Variants in ADCY8 observed in about 807,000 individuals in gnomAD.
The protein encoded by ADCY8 is adenylate cyclase type 8.
ADCY8 carries 51 observed loss-of-function variants against 119.7 expected under a neutral mutation model. The ratio of observed to expected loss-of-function variants is 0.43; its 90% CI spans 0.34 to 0.54. The LOEUF (loss-of-function observed/expected upper bound fraction) is 0.54. ADCY8 is among the 20% of genes least tolerant of loss of function. The pLI is 0.03. For missense variants in ADCY8, 1,383 were observed against 1,598.8 expected (o/e 0.87, Z 2.30); for synonymous variants, 665 against 651.0 (o/e 1.02, Z -0.33).
At chr8:130,893,884 G>GTGTGCATGTTTGTGTGTGTGGTTGTGGT (rs1227143244) in intron 7 of ADCY8, among the ~76,000 whole-genome samples, 1 of 148,064 alleles carries the variant, frequency 6.8e-6, no homozygotes, top group African/African-American at 2.6e-5. Flanking sequence ...GTGTTTGCGG[G>GTGTGCATGTTTGTGTGTGTGGTTGTGGT]TGTGCATGTT....
intron 5 of ADCY8, among the ~76,000 whole-genome samples, chr8:130,930,829 A>G (rs1820609658): frequency 1.3e-5 from 2 of 152,304 alleles, no homozygotes; most frequent in South Asian, 4.1e-4. Flanking sequence ...CATTACAAAG[A>G]TATAAGTAAT....
chr8:130,904,260 C>CT (rs1383339068), intron 6 of ADCY8, among the ~76,000 whole-genome samples: 1 of 152,248 alleles, frequency 6.6e-6, no homozygotes, highest in African/African-American at 2.4e-5. Flanking sequence ...CCAAGAGACA[C>CT]TGCTGCCTCT....
chr8:130,937,006 G>T, intron 5 of ADCY8, 67 bp downstream of exon 5: 1 of 1,515,500 alleles, frequency 6.6e-7, no homozygotes, highest in Non-Finnish European at 8.9e-7. Context: ...ACCACAAAGG[G>T]TAGGTGAAGT....
intron 12 of ADCY8, among the ~76,000 whole-genome samples, chr8:130,832,658 GA>G (rs1240256129): frequency 5.3e-5 from 8 of 152,058 alleles, no homozygotes; most frequent in Admixed American, 2.0e-4. Context: ...GGAAAAAGCT[GA>G]AAAAAGCACT....
intron 1 of ADCY8, among the ~76,000 whole-genome samples, chr8:131,025,380 C>T (rs1823790553): frequency 6.6e-6 from 1 of 152,032 alleles, no homozygotes; most frequent in Non-Finnish European, 1.5e-5. Context: ...TCGTATTCAT[C>T]ATATGACCAA....
rs770461832 is a variant in ADCY8, at chr8:130,884,684, C to T, written c.1989G>A (p.Gly663=). The change falls in exon 8 of 18, where the codon GGG becomes GGA. Residue 663 remains glycine, a synonymous_variant. Coordinates refer to ENST00000286355, the MANE Select transcript of ADCY8 (RefSeq NM_001115.3). ...CTATTCTCTTGTTAATTTCCTCAGGCCCAGACTGGACATGCAAAGCTTGTG... is the reference window on the plus strand; with the variant it reads ...CTATTCTCTTGTTAATTTCCTCAGGTCCAGACTGGACATGCAAAGCTTGTG... ...HLAQALHVQS[G]PEEINKRIEH... is the part of the protein sequence containing the mutation. The T allele has an allele frequency of 1.9e-6, 3 of 1,613,900 alleles. No homozygotes were observed. Among genetic ancestry groups the T allele is most frequent in the Admixed American group, 3.3e-5 (2 of 59,996 alleles).
chr8:130,819,052 A>G (rs1219576039), intron 13 of ADCY8, among the ~76,000 whole-genome samples: 2 of 152,210 alleles, frequency 1.3e-5, no homozygotes. Flanking sequence ...TATTACAATT[A>G]TATTCTCATA....
Position 130,867,948 on chromosome 8 carries a change from T to G in ADCY8, c.2110-2A>C, listed in dbSNP as rs1818186241. 2 of 1,599,506 alleles carry G rather than the reference T, an allele frequency of 1.3e-6. No homozygotes were observed. Among genetic ancestry groups the G allele is most frequent in the Non-Finnish European group, 1.7e-6 (2 of 1,169,906 alleles). ...CACTTCATCCCTCATTTGAGAATACTGTAATTAAAAAAAGAGAGAATGAGT... is the reference window on the plus strand; with the variant it reads ...CACTTCATCCCTCATTTGAGAATACGGTAATTAAAAAAAGAGAGAATGAGT... On this transcript the variant is annotated splice_acceptor_variant, in intron 8 of 17. Transcript: ENST00000286355. LOFTEE classifies it high-confidence loss of function.
intron 7 of ADCY8, among the ~76,000 whole-genome samples, chr8:130,897,091 A>G (rs1819419492): frequency 6.6e-6 from 1 of 152,100 alleles, no homozygotes; most frequent in African/African-American, 2.4e-5. Flanking sequence ...CTTAGTTTCT[A>G]TTCAGGCCCT....
rs1280791617 is a variant in ADCY8, at chr8:130,821,397, A to G, written c.2699T>C (p.Val900Ala). The G allele has an allele frequency of 1.9e-6, 3 of 1,613,232 alleles. No homozygotes were observed. In the Admixed American group the frequency reaches 5.0e-5, roughly 27 times the overall value. ...GAACATGGCCATCAGTAGCAGTGATACCTCCTTGGTCCCCAGGAAATCTCT... is the reference window on the plus strand; with the variant it reads ...GAACATGGCCATCAGTAGCAGTGATGCCTCCTTGGTCCCCAGGAAATCTCT... ...SGEDFLGTKEVSLLLMAMFLL... is the reference protein window; with the variant it reads ...SGEDFLGTKEASLLLMAMFLL... The change falls in exon 13 of 18, where the codon GTA becomes GCA. Residue 900 changes from valine to alanine, a missense_variant. Val to Ala is a moderately conservative substitution (Grantham distance 64). Around this residue, in one of 2 missense-constraint regions of ADCY8, gnomAD observed 928 missense variants for 1,163.5 expected, o/e 0.80. Transcript: ENST00000286355.
At chr8:130,986,425 A>T (rs1822402872) in intron 2 of ADCY8, among the ~76,000 whole-genome samples, 1 of 152,234 alleles carries the variant, frequency 6.6e-6, no homozygotes, top group Non-Finnish European at 1.5e-5. Flanking sequence ...GACTCCATTG[A>T]ATTATGTAGA....
At chr8:130,825,122 T>C (rs778603751) in intron 12 of ADCY8, among the ~76,000 whole-genome samples, 3 of 152,256 alleles carry the variant, frequency 2.0e-5, no homozygotes, top group Non-Finnish European at 4.4e-5. Context: ...AATACATGTG[T>C]ACTATGTGTA....
chr8:130,795,644 A>G (rs1586420777), intron 15 of ADCY8, among the ~76,000 whole-genome samples: 1 of 152,324 alleles, frequency 6.6e-6, no homozygotes, highest in East Asian at 1.9e-4. Flanking sequence ...CAGACGGAGC[A>G]GAAGATGGGT....
In ADCY8 at chr8:130,798,084, T is replaced by G. The variant is rs141512985; in HGVS notation, c.3060+2342A>C. ...CTAGCCTAAGGGTTTGTATGAGAGATAAATAACTATTAAATGATATATATT... is the reference window on the plus strand; with the variant it reads ...CTAGCCTAAGGGTTTGTATGAGAGAGAAATAACTATTAAATGATATATATT... On this transcript the variant is annotated intron_variant, in intron 15 of 17. Coordinates refer to ENST00000286355, the MANE Select transcript of ADCY8 (RefSeq NM_001115.3). Among the ~76,000 whole-genome samples, 402 of 152,306 alleles carry G rather than the reference T, an allele frequency of 2.6e-3. 1 individual carries two copies. Among genetic ancestry groups the G allele is most frequent in the African/African-American group, 9.1e-3 (377 of 41,546 alleles).
chr8:130,863,971 C>G (rs986484043), intron 9 of ADCY8, among the ~76,000 whole-genome samples: 1 of 152,080 alleles, frequency 6.6e-6, no homozygotes, highest in Non-Finnish European at 1.5e-5. Context: ...TATTTTCCTG[C>G]TGTTTGAAGA....
chr8:130,819,761 C>A (rs1300354085), intron 13 of ADCY8, among the ~76,000 whole-genome samples: 1 of 149,440 alleles, frequency 6.7e-6, no homozygotes, highest in Non-Finnish European at 1.5e-5. Context: ...CCAGTCCTCA[C>A]AGATAGCTGG....
chr8:130,975,116 C>G (rs961812915), intron 2 of ADCY8, among the ~76,000 whole-genome samples: 1 of 152,196 alleles, frequency 6.6e-6, no homozygotes, highest in Admixed American at 6.5e-5. Flanking sequence ...CAGTGCTGTC[C>G]TCTTGTTTAA....
At chr8:130,808,912 T>C (rs1816071149) in intron 14 of ADCY8, among the ~76,000 whole-genome samples, 1 of 152,110 alleles carries the variant, frequency 6.6e-6, no homozygotes, top group African/African-American at 2.4e-5. Context: ...CATAAAGCCA[T>C]GATGAGCCAG....
chr8:130,988,530 T>C (rs1822474192), intron 2 of ADCY8, among the ~76,000 whole-genome samples: 1 of 152,202 alleles, frequency 6.6e-6, no homozygotes, highest in Non-Finnish European at 1.5e-5. Flanking sequence ...AAGAGAAAGA[T>C]ATTGGCCCAT....
Sources: allele counts gnomAD v4.1 joint callset (sites outside exome capture counted in the v4.1 genomes callset), GRCh38; gene constraint gnomAD v4.1.1; regional missense constraint gnomAD v4.1.1; transcripts MANE v1.5; gene names NCBI Gene and HGNC (gene_info 2026-07-23, HGNC 2026-07-21).